The following ITFG1 variants were observed in gnomAD, a reference collection of about 807,000 sequenced individuals.
ITFG1 encodes the protein T-cell immunomodulatory protein.
Under a neutral mutation model 81.8 loss-of-function variants are expected in ITFG1, and 34 were observed. The observed-to-expected ratio is 0.42, with a 90% confidence interval of 0.32 to 0.55. The LOEUF is 0.55. ITFG1 is among the 20% of genes least tolerant of loss of function. The probability of loss-of-function intolerance (pLI) is 0.17; values close to 1 mark genes in which losing one functional copy is unlikely to be tolerated. For synonymous variants in ITFG1, 285 were observed against 270.6 expected, an observed-to-expected ratio of 1.05 and a Z score of -0.52; for missense variants, 672 against 755.4, an observed-to-expected ratio of 0.89 and a Z score of 1.29.
At chr16:47,454,231 C>G (rs551420286) in intron 2 of ITFG1, 73 bp from the exon 3 acceptor site, 1 of 1,229,260 alleles carries the variant, frequency 8.1e-7, no homozygotes, top group Admixed American at 2.2e-5. Context: ...TTCTACCACA[C>G]AAAAATATTT....
intron 5 of ITFG1, among the ~76,000 whole-genome samples, chr16:47,451,170 T>G (rs924510247): frequency 6.6e-6 from 1 of 152,162 alleles, no homozygotes; most frequent in Non-Finnish European, 1.5e-5. Flanking sequence ...TGGGGACCCG[T>G]AAAGTTTCAA....
intron 14 of ITFG1, among the ~76,000 whole-genome samples, chr16:47,197,238 G>T (rs550574442): frequency 6.6e-6 from 1 of 152,128 alleles, no homozygotes; most frequent in Non-Finnish European, 1.5e-5. Context: ...ATATTTTAAG[G>T]TCTGAAAACA....
intron 8 of ITFG1, among the ~76,000 whole-genome samples, chr16:47,349,255 C>T (rs1967911328): frequency 6.6e-6 from 1 of 152,124 alleles, no homozygotes; most frequent in African/African-American, 2.4e-5. Flanking sequence ...AATTAAAAGG[C>T]ACGGACTGGC....
intron 14 of ITFG1, chr16:47,218,650 T>A (rs1304867726): frequency 2.4e-5 from 7 of 292,918 alleles, no homozygotes; most frequent in Non-Finnish European, 4.4e-5. Flanking sequence ...ATGAGTTGGC[T>A]CCATCATAAT....
intron 8 of ITFG1, chr16:47,317,822 T>C (rs1275802895): frequency 6.6e-6 from 1 of 152,180 alleles, no homozygotes; most frequent in African/African-American, 2.4e-5. Context: ...CAAATTATAT[T>C]ACCCCTTTAG....
chr16:47,352,771 C>T (rs915536057), intron 8 of ITFG1, among the ~76,000 whole-genome samples: 51 of 152,148 alleles, frequency 3.4e-4, no homozygotes, highest in African/African-American at 1.1e-3. Context: ...ATGTTTATTG[C>T]GACACTATTC....
chr16:47,298,933 A>T (rs1967027470), intron 10 of ITFG1, among the ~76,000 whole-genome samples: 1 of 151,960 alleles, frequency 6.6e-6, no homozygotes, highest in East Asian at 1.9e-4. Flanking sequence ...CCTTCTCTCT[A>T]GGATGGGGTG....
chr16:47,232,179 G>A (rs1412845299), intron 13 of ITFG1, among the ~76,000 whole-genome samples: 1 of 152,224 alleles, frequency 6.6e-6, no homozygotes, highest in South Asian at 2.1e-4. Context: ...CTCTAGAACT[G>A]TAAGAGAATA....
chr16:47,454,176 T>G lies in ITFG1; in HGVS notation c.282-18A>C. 1 of 1,580,978 alleles carries G rather than the reference T, an allele frequency of 6.3e-7. No individual in the cohort carries two copies. The highest frequency in any genetic ancestry group is 8.6e-7 in the Non-Finnish European group (1 of 1,157,558). On this transcript the variant is annotated intron_variant, in intron 2 of 17. Transcript: ENST00000320640. Reference sequence around the variant, plus strand: ...TGTGATTCCTAAAAGAAACAAGCATTTACAAATATCAGACAAGTTGTAATG... The same window carrying G: ...TGTGATTCCTAAAAGAAACAAGCATGTACAAATATCAGACAAGTTGTAATG...
chr16:47,389,931 A>G (rs867033538), intron 6 of ITFG1, among the ~76,000 whole-genome samples: 1 of 152,254 alleles, frequency 6.6e-6, no homozygotes, highest in Non-Finnish European at 1.5e-5. Context: ...AACTGTTGCA[A>G]TAAGAACATT....
rs558703868 is a variant in ITFG1, at chr16:47,282,236, A to T, written c.1071-21541T>A. On this transcript the variant is annotated intron_variant, in intron 10 of 17. Coordinates refer to ENST00000320640, the MANE Select transcript of ITFG1 (RefSeq NM_030790.5). ...TACCCATGAGTTGTACCCATTAAGT[A>T]ATTTCTCATCCCTTACACCCCCTCA... is the stretch of plus-strand genomic sequence containing the variant. Among the ~76,000 whole-genome samples the T allele has an allele frequency of 1.3e-4, 20 of 152,056 alleles. No individual in the cohort carries two copies. In the South Asian group the frequency reaches 4.2e-3, roughly 32 times the overall value.
chr16:47,275,093 T>C (rs1966383283), intron 10 of ITFG1, among the ~76,000 whole-genome samples: 1 of 152,150 alleles, frequency 6.6e-6, no homozygotes, highest in Non-Finnish European at 1.5e-5. Flanking sequence ...ACATATCACA[T>C]GTCTGTTATT....
intron 13 of ITFG1, among the ~76,000 whole-genome samples, chr16:47,224,690 G>A (rs1246770229): frequency 1.3e-5 from 2 of 152,198 alleles, no homozygotes; most frequent in East Asian, 3.9e-4. Flanking sequence ...AAACAGTATG[G>A]CTCATACGTC....
intron 8 of ITFG1, among the ~76,000 whole-genome samples, chr16:47,325,639 GA>G (rs1392122638): frequency 6.6e-6 from 1 of 151,930 alleles, no homozygotes; most frequent in African/African-American, 2.4e-5. Flanking sequence ...TGATAAAGGG[GA>G]TATCACCACC....
chr16:47,444,348 A>G lies in ITFG1; in HGVS notation c.560+7048T>C, dbSNP rs976611096. On this transcript the variant is annotated intron_variant, in intron 5 of 17. Transcript: ENST00000320640. ...TAATTTATGTTACAAGAAATATGAT[A>G]AAAGATGTAATAGCTCTTCAGTAAA... Among the ~76,000 whole-genome samples, 3 of 152,214 alleles carry G rather than the reference A, an allele frequency of 2.0e-5. No individual in the cohort carries two copies. In the South Asian group the frequency reaches 6.2e-4, roughly 31 times the overall value.
chr16:47,185,937 G>C (rs1299530886), intron 14 of ITFG1, among the ~76,000 whole-genome samples: 1 of 152,114 alleles, frequency 6.6e-6, no homozygotes, highest in Admixed American at 6.5e-5. Context: ...TATCACCACC[G>C]ATCCCACAGA....
At position 47,403,869 on chromosome 16, in the gene ITFG1, C is replaced by A. The variant is rs1039659875; in HGVS notation, c.655+24935G>T. Reference sequence around the variant, plus strand: ...CTCTAGGTCAGGGGTCCCTAACCCCCAGGCCATGGACCAGAACTGGTTAGG... The same window carrying A: ...CTCTAGGTCAGGGGTCCCTAACCCCAAGGCCATGGACCAGAACTGGTTAGG... On this transcript the variant is annotated intron_variant, in intron 6 of 17. Transcript: ENST00000320640. Among the ~76,000 whole-genome samples, 6 of 151,302 alleles carry A rather than the reference C, an allele frequency of 4.0e-5. No individual in the cohort carries two copies. The South Asian group carries it at 1.3e-3, about 32-fold the overall frequency.
intron 5 of ITFG1, among the ~76,000 whole-genome samples, chr16:47,446,822 C>A (rs1969330305): frequency 1.3e-5 from 2 of 151,842 alleles, no homozygotes; most frequent in Non-Finnish European, 2.9e-5. Context: ...TAATCTTACT[C>A]AAAGCCTGCT....
intron 14 of ITFG1, among the ~76,000 whole-genome samples, chr16:47,195,101 CTACT>C (rs1304178586): frequency 6.6e-6 from 1 of 152,032 alleles, no homozygotes; most frequent in Admixed American, 6.6e-5. Flanking sequence ...TCACTTGCTC[CTACT>C]TATTTTATAG....
Sources: gnomAD v4.1 joint callset for allele counts (sites outside exome capture counted in the v4.1 genomes callset) on GRCh38, gnomAD v4.1.1 for gene constraint, MANE v1.5 for transcripts, NCBI Gene and HGNC (gene_info 2026-07-23, HGNC 2026-07-21) for gene names.